Variants in DSCC1 observed in about 807,000 individuals in gnomAD.
The protein encoded by DSCC1 is DNA replication and sister chromatid cohesion 1.
A neutral mutation model predicts 48.2 loss-of-function variants in DSCC1; 32 were observed. The observed-to-expected ratio is 0.66, with a 90% CI of 0.50 to 0.89. The LOEUF is 0.89. Ranked by LOEUF, DSCC1 falls within the 40% of genes least tolerant of loss-of-function variation. DSCC1 has a pLI of 0.00. For synonymous variants in DSCC1, 150 were observed against 171.5 expected, an observed-to-expected ratio of 0.87 and a Z score of 0.98; for missense variants, 421 against 471.7, an observed-to-expected ratio of 0.89 and a Z score of 1.00.
intron 2 of DSCC1, 77 bp from the exon 3 acceptor site, chr8:119,850,593 C>T: frequency 7.7e-7 from 1 of 1,302,822 alleles, no homozygotes; most frequent in East Asian, 2.5e-5. Flanking sequence ...ACTAATCAAT[C>T]TGCCCCCTCA....
intron 4 of DSCC1, 34 bp from the exon 5 acceptor site, chr8:119,843,781 CTTT>C (rs749593427): frequency 1.6e-6 from 2 of 1,263,430 alleles, no homozygotes; most frequent in Admixed American, 2.1e-5. Context: ...TACCAAAGAA[CTTT>C]TTTTTTTTTA....
chr8:119,855,893 G>T lies in DSCC1; in HGVS notation c.-98C>A. 1 of 1,333,880 alleles carries T rather than the reference G, an allele frequency of 7.5e-7. No individual in the cohort carries two copies. The highest frequency in any genetic ancestry group is 1.7e-5 in the South Asian group (1 of 59,154). The allele number at this position is 1,333,880 out of a possible 1,614,324, so 82.6% of individuals were successfully genotyped here. A position where few individuals can be genotyped will look rare whatever the true frequency, so the allele number is the denominator to read the frequency against. ...AGCAGCCGGAAGGTAGGAAACCTGAGCGTTTGAAAGCGCGCCAAGGCGGCC... is the reference window on the plus strand; with the variant it reads ...AGCAGCCGGAAGGTAGGAAACCTGATCGTTTGAAAGCGCGCCAAGGCGGCC... On this transcript the variant is annotated 5_prime_UTR_variant, in exon 1 of 9. Transcript: ENST00000313655.
chr8:119,842,135 G>A (rs1429329623), intron 6 of DSCC1, among the ~76,000 whole-genome samples, 187 bp from the exon 7 acceptor site: 2 of 151,850 alleles, frequency 1.3e-5, no homozygotes, highest in South Asian at 2.1e-4. Context: ...GTGCATTGGC[G>A]TGATCTTGGC....
chr8:119,844,384 A>G, intron 4 of DSCC1, among the ~76,000 whole-genome samples: 1 of 149,994 alleles, frequency 6.7e-6, no homozygotes, highest in South Asian at 2.1e-4. Context: ...GGTTGTAGTG[A>G]GCCAAGATTA....
chr8:119,853,135 G>A lies in DSCC1; in HGVS notation c.263C>T (p.Thr88Ile), dbSNP rs1248030612. Reference protein sequence around the residue: ...DKTYDLKIADTSNMLLFIPGC... With the variant: ...DKTYDLKIADISNMLLFIPGC... ...AGGAATGAAAAGCAACATATTGGAAGTGTCTGCTATCTTCAAGTCGTATGT... is the reference window on the plus strand; with the variant it reads ...AGGAATGAAAAGCAACATATTGGAAATGTCTGCTATCTTCAAGTCGTATGT... Residue 88 changes from threonine (T) to isoleucine (I), a missense_variant, in exon 2 of 9, where the codon ACT becomes ATT. Thr to Ile is a moderately conservative substitution (Grantham distance 89). Transcript: ENST00000313655. 1 of 1,614,108 alleles carries A rather than the reference G, an allele frequency of 6.2e-7. No homozygotes were observed. The highest frequency in any genetic ancestry group is 1.1e-5 in the South Asian group (1 of 91,082).
intron 3 of DSCC1, among the ~76,000 whole-genome samples, chr8:119,847,780 C>G (rs1258239445): frequency 6.6e-6 from 1 of 151,792 alleles, no homozygotes; most frequent in Non-Finnish European, 1.5e-5. Context: ...ATTCTCCTGC[C>G]TCAACCTCCT....
chr8:119,845,614 G>C (rs1826844882), intron 4 of DSCC1, among the ~76,000 whole-genome samples: 1 of 151,606 alleles, frequency 6.6e-6, no homozygotes, highest in South Asian at 2.1e-4. Context: ...AATGCAGAGG[G>C]CTGCATTAAA....
At chr8:119,842,003 A>G in intron 6 of DSCC1, 55 bp from the exon 7 acceptor site, 1 of 1,550,440 alleles carries the variant, frequency 6.4e-7, no homozygotes. Flanking sequence ...TAAATATTAT[A>G]CTAACATTTC....
chr8:119,840,161 T>C (rs766762307), intron 7 of DSCC1: 1 of 152,206 alleles, frequency 6.6e-6, no homozygotes, highest in Non-Finnish European at 1.5e-5. Context: ...TAACAAAATA[T>C]TTACCAAGTA....
intron 1 of DSCC1, 139 bp downstream of exon 1, chr8:119,855,475 C>A (rs1329842274): frequency 2.4e-6 from 3 of 1,245,638 alleles, no homozygotes; most frequent in Non-Finnish European, 3.2e-6. Context: ...GCGTGGACTC[C>A]TCGGGAACAG....
In DSCC1 at chr8:119,843,604, C is replaced by G; in HGVS notation, c.716+5G>C. 2.5e-6 allele frequency: 4 copies of G among 1,600,804 alleles called. No individual in the cohort carries two copies. The highest frequency in any genetic ancestry group is 3.4e-6 in the Non-Finnish European group (4 of 1,176,974). ...TCTGGATAGACAAGAAATTAAAATA[C>G]TTACTCTGGCTCCAATGGTCCGAGT... On this transcript the variant is annotated splice_donor_5th_base_variant and intron_variant, in intron 5 of 8. Coordinates refer to ENST00000313655, the MANE Select transcript of DSCC1 (RefSeq NM_024094.3).
chr8:119,854,147 G>A (rs76978922), intron 1 of DSCC1, among the ~76,000 whole-genome samples: 7,014 of 152,160 alleles, frequency 0.046, 267 homozygotes, highest in South Asian at 0.13. Context: ...AAGTAGTCAT[G>A]GCACCATCAT....
chr8:119,839,203 A>G (rs183276600), intron 7 of DSCC1: 2 of 152,322 alleles, frequency 1.3e-5, no homozygotes, highest in East Asian at 3.9e-4. Flanking sequence ...AACCTCATCT[A>G]AACCTGTAGC....
chr8:119,846,987 T>C lies in DSCC1; in HGVS notation c.577+3A>G. On this transcript the variant is annotated splice_donor_region_variant and intron_variant, in intron 4 of 8. Transcript: ENST00000313655. ...TTGTTAAAATAGTAGTAAGTAACGC[T>C]ACCTCCAATCTTACAGGCATTTAGA... The C allele has an allele frequency of 6.2e-7, 1 of 1,613,298 alleles. No homozygotes were observed. The highest frequency in any genetic ancestry group is 8.5e-7 in the Non-Finnish European group (1 of 1,179,616).
At chr8:119,841,733 T>C in intron 7 of DSCC1, 61 bp downstream of exon 7, 1 of 1,568,370 alleles carries the variant, frequency 6.4e-7, no homozygotes, top group South Asian at 1.2e-5. Flanking sequence ...CCAACTCAAG[T>C]ATCATTCACC....
At chr8:119,852,096 C>T (rs1159203602) in intron 2 of DSCC1, among the ~76,000 whole-genome samples, 1 of 152,092 alleles carries the variant, frequency 6.6e-6, no homozygotes, top group Non-Finnish European at 1.5e-5. Context: ...CAGCATTTTC[C>T]CTTCTTTCCT....
chr8:119,855,587 TG>T, intron 1 of DSCC1, 26 bp downstream of exon 1: 3 of 1,529,712 alleles, frequency 2.0e-6, no homozygotes, highest in Non-Finnish European at 1.8e-6. Flanking sequence ...GGCCAGAGGC[TG>T]GGGGCGCCGC....
intron 6 of DSCC1, 35 bp from the exon 7 acceptor site, chr8:119,841,983 A>T (rs78342094): frequency 0.025 from 40,151 of 1,596,480 alleles, 1,062 homozygotes; most frequent in South Asian, 0.099. Flanking sequence ...TCATATTATC[A>T]TCTTACAATT....
intron 3 of DSCC1, among the ~76,000 whole-genome samples, chr8:119,848,194 C>G (rs918399536): frequency 2.0e-5 from 3 of 152,116 alleles, no homozygotes; most frequent in African/African-American, 7.2e-5. Context: ...AACTCCTGGA[C>G]TGAAGCAATC....
Sources: gnomAD v4.1 joint callset for allele counts (sites outside exome capture counted in the v4.1 genomes callset) on GRCh38, gnomAD v4.1.1 for gene constraint, MANE v1.5 for transcripts, NCBI Gene and HGNC (gene_info 2026-07-23, HGNC 2026-07-21) for gene names.